Variants in DEPDC5 observed in about 807,000 individuals in gnomAD.
The protein encoded by DEPDC5 is DEP domain containing 5, GATOR1 subcomplex subunit.
DEPDC5 carries 73 observed loss-of-function variants against 217.3 expected under a neutral mutation model. That is an observed-to-expected ratio of 0.34 (90% confidence interval 0.28 to 0.41). DEPDC5 has a LOEUF of 0.41. Ranked by LOEUF, DEPDC5 falls within the 10% of genes least tolerant of loss-of-function variation. The pLI is 1.00. For missense variants in DEPDC5, 1,675 were observed against 2,070.1 expected, an observed-to-expected ratio of 0.81 and a Z score of 3.70; for synonymous variants, 733 against 756.7, an observed-to-expected ratio of 0.97 and a Z score of 0.51.
At chr22:31,818,957 C>G in intron 21 of DEPDC5, 65 bp from the exon 22 acceptor site, 1 of 1,553,228 alleles carries the variant, frequency 6.4e-7, no homozygotes, top group Non-Finnish European at 8.9e-7. Context: ...ATCATTCTAC[C>G]TAGCTCTGGT....
At chr22:31,819,831 C>G (rs1465824399) in intron 22 of DEPDC5, among the ~76,000 whole-genome samples, 1 of 152,012 alleles carries the variant, frequency 6.6e-6, no homozygotes, top group Non-Finnish European at 1.5e-5. Context: ...AGTCAGATGT[C>G]CCTCATTCTT....
chr22:31,893,816 A>AT (rs1255514552), intron 39 of DEPDC5, 65 bp downstream of exon 39: 22 of 1,421,708 alleles, frequency 1.5e-5, no homozygotes, highest in Non-Finnish European at 1.9e-5. Context: ...GAGATGCTTG[A>AT]TAGAGATTCA....
chr22:31,853,234 A>G (rs1266289796), intron 31 of DEPDC5: 1 of 152,092 alleles, frequency 6.6e-6, no homozygotes, highest in African/African-American at 2.4e-5. Context: ...TCAGTGAGTC[A>G]TTGTTTAGTA....
intron 10 of DEPDC5, among the ~76,000 whole-genome samples, chr22:31,785,433 G>A (rs1183649292): frequency 6.6e-6 from 1 of 152,148 alleles, no homozygotes; most frequent in Non-Finnish European, 1.5e-5. Flanking sequence ...TGGTCCACTA[G>A]AATCTATAAA....
intron 30 of DEPDC5, among the ~76,000 whole-genome samples, chr22:31,846,349 TG>T (rs772186562): frequency 4.6e-5 from 7 of 152,186 alleles, no homozygotes; most frequent in Non-Finnish European, 7.3e-5. Context: ...TCATCAGCCA[TG>T]TTTTTTTTGT....
At chr22:31,779,261 G>A (rs1309561928) in intron 8 of DEPDC5, among the ~76,000 whole-genome samples, 3 of 152,158 alleles carry the variant, frequency 2.0e-5, no homozygotes, top group Non-Finnish European at 4.4e-5. Flanking sequence ...GTTTACATTG[G>A]ATGTATTTAC....
intron 15 of DEPDC5, among the ~76,000 whole-genome samples, chr22:31,803,752 AAAG>A (rs1204512939): frequency 1.3e-5 from 2 of 152,186 alleles, no homozygotes; most frequent in African/African-American, 2.4e-5. Flanking sequence ...TCAAAAAAAA[AAAG>A]GAGTTTGGAA....
At chr22:31,879,917 C>A in intron 38 of DEPDC5, 165 bp downstream of exon 38, 1 of 676,770 alleles carries the variant, frequency 1.5e-6, no homozygotes, top group Non-Finnish European at 2.5e-6. Flanking sequence ...TGCTGACTTC[C>A]ACTTGCCGAG....
intron 10 of DEPDC5, among the ~76,000 whole-genome samples, chr22:31,790,922 C>A (rs2085560341): frequency 6.6e-6 from 1 of 151,800 alleles, no homozygotes; most frequent in Non-Finnish European, 1.5e-5. Context: ...AATTTTCCTA[C>A]TTTTAGTAGA....
chr22:31,871,161 C>T (rs933616423), intron 34 of DEPDC5, among the ~76,000 whole-genome samples: 3 of 152,192 alleles, frequency 2.0e-5, no homozygotes, highest in Admixed American at 6.5e-5. Context: ...TCCTTAGTAT[C>T]CGGAGGAAAA....
chr22:31,884,315 C>G (rs894772541), intron 38 of DEPDC5, among the ~76,000 whole-genome samples: 3 of 152,198 alleles, frequency 2.0e-5, no homozygotes, highest in African/African-American at 4.8e-5. Flanking sequence ...TCCCTCTCTG[C>G]TAAAGCATCC....
At chr22:31,800,853 G>A (rs1182310974) in intron 14 of DEPDC5, among the ~76,000 whole-genome samples, 2 of 151,934 alleles carry the variant, frequency 1.3e-5, no homozygotes, top group African/African-American at 4.8e-5. Context: ...GCGCACACCT[G>A]TAATCTCAGC....
At chr22:31,757,492 T>C (rs2082031298) in intron 2 of DEPDC5, 1 of 152,158 alleles carries the variant, frequency 6.6e-6, no homozygotes, top group Non-Finnish European at 1.5e-5. Flanking sequence ...AGCAAGACCT[T>C]ATCTCTAAAA....
rs1349979537 is a variant in DEPDC5, at chr22:31,810,617, G to T, written c.1421G>T (p.Arg474Leu). The change falls in exon 20 of 43, where the codon CGG becomes CTG. Residue 474 changes from arginine (R) to leucine (L), a missense_variant. By Grantham distance (102) the Arg-to-Leu change is moderately radical. Around this residue, in one of 11 missense-constraint regions of DEPDC5, gnomAD observed 628 missense variants for 762.1 expected, o/e 0.82. Coordinates refer to ENST00000651528, the MANE Select transcript of DEPDC5 (RefSeq NM_001242896.3). Reference sequence around the variant, plus strand: ...GTGTTCAGGCTGCCCGGCCCATCCCGGGCCCAGTGCCTCACCACCTGCAGG... The same window carrying T: ...GTGTTCAGGCTGCCCGGCCCATCCCTGGCCCAGTGCCTCACCACCTGCAGG... ...AQVFRLPGPS[R>L]AQCLTTCRSV... The T allele has an allele frequency of 6.2e-7, 1 of 1,614,098 alleles. No homozygotes were observed. The highest frequency in any genetic ancestry group is 1.1e-5 in the South Asian group (1 of 91,074).
At chr22:31,856,232 G>GACACAC (rs58670229) in intron 31 of DEPDC5, among the ~76,000 whole-genome samples, 31 of 143,740 alleles carry the variant, frequency 2.2e-4, no homozygotes, top group South Asian at 4.5e-4. Context: ...CATTGCCTAT[G>GACACAC]ACACACACAC....
intron 24 of DEPDC5, among the ~76,000 whole-genome samples, chr22:31,830,247 G>T (rs1437826352): frequency 6.6e-6 from 1 of 152,238 alleles, no homozygotes; most frequent in Non-Finnish European, 1.5e-5. Context: ...TTCAGCCAGA[G>T]AACACATTCA....
intron 3 of DEPDC5, 65 bp downstream of exon 3, chr22:31,758,698 A>T (rs1354494413): frequency 2.3e-5 from 34 of 1,460,676 alleles, no homozygotes; most frequent in Non-Finnish European, 3.0e-5. Context: ...TCCAAGGCAG[A>T]TAGCTCTCTT....
intron 38 of DEPDC5, among the ~76,000 whole-genome samples, chr22:31,887,121 A>G (rs538696680): frequency 6.6e-6 from 1 of 151,082 alleles, no homozygotes; most frequent in African/African-American, 2.4e-5. Context: ...AGCAGTATAT[A>G]GAAAAGTAAG....
chr22:31,860,293 G>A (rs528634703), intron 32 of DEPDC5, among the ~76,000 whole-genome samples: 10 of 152,256 alleles, frequency 6.6e-5, no homozygotes, highest in African/African-American at 2.2e-4. Context: ...CAGCATCTCC[G>A]CAGCCACAAG....
Sources: gnomAD v4.1 joint callset for allele counts (sites outside exome capture counted in the v4.1 genomes callset) on GRCh38, gnomAD v4.1.1 for gene constraint, gnomAD v4.1.1 regional missense constraint, MANE v1.5 for transcripts, NCBI Gene and HGNC (gene_info 2026-07-23, HGNC 2026-07-21) for gene names.